The following ZNF804A variants were observed in gnomAD, a reference collection of about 807,000 sequenced individuals.
ZNF804A encodes the protein zinc finger protein 804A.
A neutral mutation model predicts 16.5 loss-of-function variants in ZNF804A; 2 were observed. The ratio of observed to expected loss-of-function variants is 0.12; its 90% CI spans 0.05 to 0.38. The LOEUF is 0.38. ZNF804A is among the 10% of genes least tolerant of loss of function. The pLI is 0.99. For synonymous variants in ZNF804A, 534 were observed against 489.6 expected, an observed-to-expected ratio of 1.09 and a Z score of -1.20; for missense variants, 1,473 against 1,390.7, an observed-to-expected ratio of 1.06 and a Z score of -0.94.
chr2:184,771,297 G>C (rs1694208503), intron 1 of ZNF804A, among the ~76,000 whole-genome samples: 1 of 151,912 alleles, frequency 6.6e-6, no homozygotes, highest in Non-Finnish European at 1.5e-5. Flanking sequence ...ATGTATAGCT[G>C]CATAACAAGT....
intron 1 of ZNF804A, among the ~76,000 whole-genome samples, chr2:184,621,468 G>A (rs190313974): frequency 1.4e-3 from 205 of 151,746 alleles, no homozygotes; most frequent in African/African-American, 3.6e-3. Context: ...AATTTCTGCC[G>A]TATTGTTCCT....
intron 1 of ZNF804A, among the ~76,000 whole-genome samples, chr2:184,849,139 G>T (rs1310230822): frequency 1.3e-5 from 2 of 151,960 alleles, no homozygotes; most frequent in Admixed American, 1.3e-4. Context: ...TGAAATAAAA[G>T]AGAAAATAAT....
At chr2:184,835,434 G>A (rs1406292773) in intron 1 of ZNF804A, among the ~76,000 whole-genome samples, 2 of 152,052 alleles carry the variant, frequency 1.3e-5, no homozygotes, top group African/African-American at 4.8e-5. Context: ...TTGGAAAGGG[G>A]CAGTAACTTC....
intron 2 of ZNF804A, among the ~76,000 whole-genome samples, chr2:184,914,017 G>C (rs989094501): frequency 6.6e-6 from 1 of 152,162 alleles, no homozygotes; most frequent in Admixed American, 6.6e-5. Context: ...GTGGATGCCT[G>C]TGTCAGAACA....
At chr2:184,609,397 G>A (rs977857649) in intron 1 of ZNF804A, among the ~76,000 whole-genome samples, 5 of 152,312 alleles carry the variant, frequency 3.3e-5, no homozygotes, top group South Asian at 2.1e-4. Context: ...ACAGAGAGGC[G>A]TGATTACTGC....
intron 1 of ZNF804A, among the ~76,000 whole-genome samples, chr2:184,668,911 T>C (rs1692296826): frequency 6.6e-6 from 1 of 152,002 alleles, no homozygotes; most frequent in Admixed American, 6.6e-5. Context: ...AGATCTGCTA[T>C]TTAAGTTTCT....
At position 184,936,632 on chromosome 2, in the gene ZNF804A, T is replaced by G. The variant is rs754609316; in HGVS notation, c.1236T>G (p.His412Gln). The G allele has an allele frequency of 1.2e-6, 2 of 1,613,984 alleles. No individual in the cohort carries two copies. The highest frequency in any genetic ancestry group is 1.1e-5 in the South Asian group (1 of 91,078). ...SNTEEVNITI[H>Q]KKTNFCKRQC... Reference sequence around the variant, plus strand: ...CTGAAGAGGTTAACATAACTATACATAAGAAAACAAATTTCTGCAAAAGAC... The same window carrying G: ...CTGAAGAGGTTAACATAACTATACAGAAGAAAACAAATTTCTGCAAAAGAC... The change falls in exon 4 of 4, where the codon CAT becomes CAG. Residue 412 changes from histidine (H) to glutamine (Q), a missense_variant. His to Gln is a conservative substitution (Grantham distance 24, BLOSUM62 0). Transcript: ENST00000302277.
At chr2:184,749,804 A>C (rs1175269654) in intron 1 of ZNF804A, among the ~76,000 whole-genome samples, 2 of 151,210 alleles carry the variant, frequency 1.3e-5, no homozygotes, top group Admixed American at 1.3e-4. Flanking sequence ...ATAACATTGC[A>C]TTCAAGTAAA....
intron 1 of ZNF804A, among the ~76,000 whole-genome samples, chr2:184,805,324 A>G (rs76513962): frequency 7.6e-4 from 115 of 152,272 alleles, no homozygotes; most frequent in African/African-American, 2.7e-3. Context: ...TAATAGTTGA[A>G]CAGTGCCTTC....
At chr2:184,678,178 AT>A in intron 1 of ZNF804A, among the ~76,000 whole-genome samples, 1 of 152,194 alleles carries the variant, frequency 6.6e-6, no homozygotes, top group Admixed American at 6.5e-5. Flanking sequence ...CGAGAGCATT[AT>A]TTCTTTAAAA....
intron 2 of ZNF804A, among the ~76,000 whole-genome samples, chr2:184,871,471 A>G (rs1695974166): frequency 6.6e-6 from 1 of 151,718 alleles, no homozygotes; most frequent in Admixed American, 6.6e-5. Context: ...AATATTATTA[A>G]CAAAATAGGA....
chr2:184,860,463 A>T (rs1000064109), intron 1 of ZNF804A, among the ~76,000 whole-genome samples: 3 of 152,214 alleles, frequency 2.0e-5, no homozygotes, highest in East Asian at 1.9e-4. Flanking sequence ...ACTTGCCTGG[A>T]GGCTGAGTTT....
chr2:184,926,439 C>T (rs1315359355), intron 2 of ZNF804A, among the ~76,000 whole-genome samples: 10 of 151,854 alleles, frequency 6.6e-5, no homozygotes, highest in Admixed American at 6.6e-4. Context: ...CTTTCTTTTT[C>T]CTTGATCTTT....
intron 2 of ZNF804A, among the ~76,000 whole-genome samples, chr2:184,928,570 A>C (rs1304822248): frequency 6.6e-6 from 1 of 152,114 alleles, no homozygotes; most frequent in Admixed American, 6.5e-5. Flanking sequence ...CAGTTCAGCA[A>C]TAGCACTTGC....
At chr2:184,823,155 G>A (rs1695107944) in intron 1 of ZNF804A, among the ~76,000 whole-genome samples, 1 of 151,978 alleles carries the variant, frequency 6.6e-6, no homozygotes, top group Non-Finnish European at 1.5e-5. Flanking sequence ...TTTCCAAGAT[G>A]GCACCTTGAA....
At chr2:184,699,346 C>CT (rs1233622550) in intron 1 of ZNF804A, among the ~76,000 whole-genome samples, 1 of 152,072 alleles carries the variant, frequency 6.6e-6, no homozygotes, top group Non-Finnish European at 1.5e-5. Flanking sequence ...TAATACCAAT[C>CT]TGAAAGCTTT....
At chr2:184,680,005 A>G (rs1692510704) in intron 1 of ZNF804A, among the ~76,000 whole-genome samples, 1 of 152,206 alleles carries the variant, frequency 6.6e-6, no homozygotes, top group Non-Finnish European at 1.5e-5. Context: ...ATGGCCACTC[A>G]TGGACCAATC....
chr2:184,796,673 T>C (rs10170664), intron 1 of ZNF804A, among the ~76,000 whole-genome samples: 71,234 of 151,734 alleles, frequency 0.47, 20,074 homozygotes, highest in East Asian at 0.82. Flanking sequence ...CTGGGTTTGG[T>C]TTTGGTTTCT....
intron 1 of ZNF804A, among the ~76,000 whole-genome samples, chr2:184,646,226 T>C (rs1559116451): frequency 6.6e-6 from 1 of 152,166 alleles, no homozygotes; most frequent in Non-Finnish European, 1.5e-5. Flanking sequence ...GCCAGAACTA[T>C]GTAAAGTGCC....
Sources: gnomAD v4.1 joint callset for allele counts (sites outside exome capture counted in the v4.1 genomes callset) on GRCh38, gnomAD v4.1.1 for gene constraint, MANE v1.5 for transcripts, NCBI Gene and HGNC (gene_info 2026-07-23, HGNC 2026-07-21) for gene names.